SUCLG2: variants seen among roughly 807,000 people sequenced by gnomAD.
SUCLG2 encodes the protein succinate-CoA ligase GDP-forming subunit beta.
A neutral mutation model predicts 47.9 loss-of-function variants in SUCLG2; 42 were observed. That is an observed-to-expected ratio of 0.88 (90% CI 0.69 to 1.14). The LOEUF (loss-of-function observed/expected upper bound fraction) is 1.14. Among genes scored for constraint, SUCLG2 ranks in the 50% most tolerant of loss-of-function variants. The pLI is 0.00. For missense variants in SUCLG2, 571 were observed against 525.9 expected (o/e 1.09, Z -0.84); for synonymous variants, 195 against 197.3 (o/e 0.99, Z 0.10).
chr3:67,611,544 A>T (rs1700527315), intron 1 of SUCLG2, among the ~76,000 whole-genome samples: 1 of 152,254 alleles, frequency 6.6e-6, no homozygotes, highest in Admixed American at 6.5e-5. Flanking sequence ...GTGAAAGAAA[A>T]CATTAAACAT....
chr3:67,506,381 A>G (rs1705639120), intron 7 of SUCLG2, among the ~76,000 whole-genome samples: 1 of 152,236 alleles, frequency 6.6e-6, no homozygotes, highest in Admixed American at 6.5e-5. Context: ...TTATGGTACA[A>G]TGAACAAATT....
chr3:67,557,460 C>T (rs1422270730), intron 2 of SUCLG2, among the ~76,000 whole-genome samples: 5 of 152,138 alleles, frequency 3.3e-5, no homozygotes, highest in African/African-American at 9.7e-5. Context: ...AGGAGACAGA[C>T]CCATAAACTA....
chr3:67,387,990 A>G lies in SUCLG2; in HGVS notation c.1184-12131T>C, dbSNP rs1031272830. Among the ~76,000 whole-genome samples, 15 of 152,112 alleles carry G rather than the reference A, an allele frequency of 9.9e-5. 1 individual carries two copies. Among genetic ancestry groups the G allele is most frequent in the Admixed American group, 9.8e-4 (15 of 15,270 alleles). The stretch of plus-strand genomic sequence containing the variant: ...AAATAAAATGGAAAAAACTAACAAC[A>G]TAAGACAATATCTATAAAATGGTAA... On this transcript the variant is annotated intron_variant, in intron 10 of 10. Coordinates refer to ENST00000307227, the MANE Select transcript of SUCLG2 (RefSeq NM_003848.4).
downstream of SUCLG2, among the ~76,000 whole-genome samples, chr3:67,373,949 C>G (rs1701987274): frequency 1.3e-5 from 2 of 152,142 alleles, no homozygotes; most frequent in African/African-American, 4.8e-5. Context: ...AGGCTATTTC[C>G]TTGTTATTAA....
intron 9 of SUCLG2, among the ~76,000 whole-genome samples, chr3:67,429,022 A>G (rs575367107): frequency 1.5e-4 from 23 of 152,184 alleles, no homozygotes; most frequent in Non-Finnish European, 2.8e-4. Context: ...GTTGGAAAAC[A>G]CTCTTCAGGA....
At chr3:67,409,875 C>G (rs1385619819) in intron 9 of SUCLG2, among the ~76,000 whole-genome samples, 1 of 152,138 alleles carries the variant, frequency 6.6e-6, no homozygotes. Context: ...GTGAATACTG[C>G]ACCATATAAA....
At chr3:67,390,960 A>C (rs1232876884) in intron 10 of SUCLG2, among the ~76,000 whole-genome samples, 1 of 152,190 alleles carries the variant, frequency 6.6e-6, no homozygotes, top group African/African-American at 2.4e-5. Context: ...CTTGTTTCTC[A>C]GGTGTTCATT....
At chr3:67,629,258 C>T (rs1251542415) in intron 1 of SUCLG2, among the ~76,000 whole-genome samples, 1 of 152,130 alleles carries the variant, frequency 6.6e-6, no homozygotes, top group Non-Finnish European at 1.5e-5. Context: ...ACACTAACTC[C>T]CAGAGTTAGC....
At chr3:67,470,460 C>A (rs1181424875) in intron 9 of SUCLG2, among the ~76,000 whole-genome samples, 1 of 152,100 alleles carries the variant, frequency 6.6e-6, no homozygotes, top group Non-Finnish European at 1.5e-5. Flanking sequence ...ATTTAATTGC[C>A]ATTGTAACAG....
chr3:67,472,776 C>T (rs776770140), intron 9 of SUCLG2, among the ~76,000 whole-genome samples: 3 of 152,112 alleles, frequency 2.0e-5, no homozygotes, highest in Non-Finnish European at 2.9e-5. Context: ...AAAAAACAAA[C>T]ATTCAATGTA....
rs551779681 is a variant in SUCLG2 at position 67,520,292 on chromosome 3, T to A, written c.570+190A>T. 5.9e-5 allele frequency among the ~76,000 whole-genome samples: 9 copies of A among 152,316 alleles called. 1 individual carries two copies. Among genetic ancestry groups the A allele is most frequent in the African/African-American group, 2.2e-4 (9 of 41,578 alleles). On this transcript the variant is annotated intron_variant, in intron 5 of 10. Coordinates refer to ENST00000307227, the MANE Select transcript of SUCLG2 (RefSeq NM_003848.4). ...TGGGAAAAGCAAAGATAAAAAGTCC[T>A]TGAACACTGAATACCTTGATTCCAC... is the stretch of plus-strand genomic sequence containing the variant.
chr3:67,626,471 A>T (rs961096479), intron 1 of SUCLG2, among the ~76,000 whole-genome samples: 172 of 152,270 alleles, frequency 1.1e-3, no homozygotes, highest in African/African-American at 3.6e-3. Context: ...GGAAAAGACC[A>T]GTTACTGGCA....
At chr3:67,435,827 G>A (rs1206393424) in intron 9 of SUCLG2, among the ~76,000 whole-genome samples, 3 of 152,164 alleles carry the variant, frequency 2.0e-5, no homozygotes, top group East Asian at 3.9e-4. Flanking sequence ...GAACAAACAC[G>A]AACATAGCTA....
intron 2 of SUCLG2, among the ~76,000 whole-genome samples, chr3:67,601,702 T>C (rs1336577570): frequency 1.3e-5 from 2 of 152,174 alleles, no homozygotes; most frequent in African/African-American, 4.8e-5. Context: ...GCCAGGCCTA[T>C]AATCTTCCCA....
chr3:67,546,137 G>A (rs1479366974), intron 2 of SUCLG2, among the ~76,000 whole-genome samples: 1 of 152,136 alleles, frequency 6.6e-6, no homozygotes, highest in East Asian at 1.9e-4. Flanking sequence ...GGGAAGTCAG[G>A]CCAAGTGTTA....
chr3:67,370,335 C>G (rs989800046), downstream of SUCLG2, among the ~76,000 whole-genome samples: 1 of 152,122 alleles, frequency 6.6e-6, no homozygotes, highest in African/African-American at 2.4e-5. Flanking sequence ...AAACAATGAT[C>G]TTTTAACTAG....
intron 2 of SUCLG2, among the ~76,000 whole-genome samples, chr3:67,586,742 G>A (rs1708029994): frequency 6.6e-6 from 1 of 152,216 alleles, no homozygotes; most frequent in Non-Finnish European, 1.5e-5. Context: ...GACTGGGACA[G>A]GTGGAGGTTC....
intron 9 of SUCLG2, among the ~76,000 whole-genome samples, chr3:67,472,790 C>G (rs1704635735): frequency 6.6e-6 from 1 of 152,082 alleles, no homozygotes; most frequent in Non-Finnish European, 1.5e-5. Context: ...CAATGTAGTC[C>G]CATGTCTCCA....
intron 1 of SUCLG2, among the ~76,000 whole-genome samples, chr3:67,639,807 T>C (rs1446174830): frequency 6.6e-6 from 1 of 152,194 alleles, no homozygotes; most frequent in African/African-American, 2.4e-5. Context: ...CACTTTCACA[T>C]GAATCCTTTT....
Sources: gnomAD v4.1 joint callset for allele counts (sites outside exome capture counted in the v4.1 genomes callset) on GRCh38, gnomAD v4.1.1 for gene constraint, MANE v1.5 for transcripts, NCBI Gene and HGNC (gene_info 2026-07-23, HGNC 2026-07-21) for gene names.